AGO3: variants seen among roughly 807,000 people sequenced by gnomAD.
AGO3 encodes the protein protein argonaute-3.
A neutral mutation model predicts 105.5 loss-of-function variants in AGO3; 16 were observed. That is an observed-to-expected ratio of 0.15 (90% CI 0.10 to 0.23). AGO3 has a LOEUF of 0.23. Ranked by LOEUF, AGO3 falls within the 10% of genes least tolerant of loss-of-function variation. The pLI is 1.00. For missense variants in AGO3, 534 were observed against 1,088.0 expected (o/e 0.49, Z 7.16); for synonymous variants, 340 against 367.3 (o/e 0.93, Z 0.85).
intron 5 of AGO3, among the ~76,000 whole-genome samples, chr1:35,995,209 A>AAATATAT (rs1237315557): frequency 9.6e-5 from 11 of 114,734 alleles, no homozygotes; most frequent in African/African-American, 3.4e-4. Flanking sequence ...TAAAAAAAAA[A>AAATATAT]ATATATATAT....
intron 5 of AGO3, among the ~76,000 whole-genome samples, chr1:35,987,003 A>G (rs1647209696): frequency 6.7e-6 from 1 of 149,978 alleles, no homozygotes; most frequent in Non-Finnish European, 1.5e-5. Context: ...CTCAAAAAAA[A>G]AAAAAGGAAA....
At chr1:35,972,366 A>G (rs1259370964) in intron 4 of AGO3, 134 bp downstream of exon 4, 1 of 1,033,544 alleles carries the variant, frequency 9.7e-7, no homozygotes, top group African/African-American at 1.6e-5. Context: ...AATAGCATCC[A>G]TACAAATTCA....
chr1:35,946,206 G>T (rs566712589), intron 2 of AGO3, among the ~76,000 whole-genome samples: 1 of 152,182 alleles, frequency 6.6e-6, no homozygotes, highest in Admixed American at 6.5e-5. Context: ...CCTCTCTTAT[G>T]TACCACTTTC....
intron 17 of AGO3, among the ~76,000 whole-genome samples, chr1:36,044,863 A>G (rs1479531666): frequency 6.6e-6 from 1 of 152,206 alleles, no homozygotes; most frequent in Non-Finnish European, 1.5e-5. Flanking sequence ...AAACTTTCCA[A>G]CAACAAAAAG....
intron 5 of AGO3, among the ~76,000 whole-genome samples, chr1:35,993,398 G>A (rs1647873980): frequency 6.6e-6 from 1 of 152,000 alleles, no homozygotes; most frequent in Admixed American, 6.6e-5. Context: ...AGGAAATTAG[G>A]AAAAAGCAGA....
chr1:35,959,386 G>A (rs192250366), intron 2 of AGO3, among the ~76,000 whole-genome samples: 8 of 152,132 alleles, frequency 5.3e-5, no homozygotes, highest in East Asian at 3.9e-4. Context: ...AAATTCTCAC[G>A]TGACGTTCTA....
At chr1:35,964,932 AGT>A (rs1349974225) in intron 2 of AGO3, among the ~76,000 whole-genome samples, 2 of 151,414 alleles carry the variant, frequency 1.3e-5, no homozygotes. Context: ...CTTCTTTTGA[AGT>A]GTCTGTTCAT....
At chr1:35,958,442 C>G (rs1447746761) in intron 2 of AGO3, among the ~76,000 whole-genome samples, 1 of 152,040 alleles carries the variant, frequency 6.6e-6, no homozygotes, top group African/African-American at 2.4e-5. Context: ...GGACAGATCA[C>G]TTGATCTCAG....
At chr1:36,002,190 T>C (rs1175219761) in intron 5 of AGO3, among the ~76,000 whole-genome samples, 1 of 151,662 alleles carries the variant, frequency 6.6e-6, no homozygotes, top group East Asian at 1.9e-4. Flanking sequence ...CAGCTAATTT[T>C]TGTATTTTTT....
chr1:35,992,001 A>G (rs1261836241), intron 5 of AGO3: 1 of 152,118 alleles, frequency 6.6e-6, no homozygotes, highest in Non-Finnish European at 1.5e-5. Flanking sequence ...GCCTCATCAT[A>G]GGGTGATTTC....
In AGO3 at chr1:35,945,883, A is replaced by G. The variant is rs373911284; in HGVS notation, c.191+20A>G. ...GAACAGGTAAGAATCATGAAACTGC[A>G]AAGATCTTTTGCTATTTTTTTCCTT... On this transcript the variant is annotated intron_variant, in intron 2 of 18. Transcript: ENST00000373191. 3.6e-5 allele frequency: 58 copies of G among 1,595,084 alleles called. No homozygotes were observed. Among genetic ancestry groups the G allele is most frequent in the Non-Finnish European group, 5.0e-5 (58 of 1,168,842 alleles).
intron 2 of AGO3, among the ~76,000 whole-genome samples, chr1:35,959,165 GTGGTAAAA>G (rs1161288479): frequency 1.3e-5 from 2 of 152,014 alleles, no homozygotes; most frequent in African/African-American, 2.4e-5. Flanking sequence ...TATAAGTCAG[GTGGTAAAA>G]TGGGACTTAA....
At chr1:36,043,740 T>C (rs546370877) in intron 17 of AGO3, among the ~76,000 whole-genome samples, 192 bp downstream of exon 17, 70 of 152,258 alleles carry the variant, frequency 4.6e-4, no homozygotes, top group African/African-American at 1.6e-3. Context: ...GAACTTATTT[T>C]TATGAAAATA....
Position 36,057,671 on chromosome 1 carries a change from C to A in AGO3, c.*1926C>A, listed in dbSNP as rs921981401. The A allele has an allele frequency of 1.7e-4, 26 of 152,032 alleles. No homozygotes were observed. The highest frequency in any genetic ancestry group is 6.3e-4 in the African/African-American group (26 of 41,386). The allele number at this position is 152,032 out of a possible 1,614,324, so 9.4% of individuals were successfully genotyped here. A position where few individuals can be genotyped will look rare whatever the true frequency, so the allele number is the denominator to read the frequency against. ...TGTAATTTTCAGTTTTAAAGCATAT[C>A]TTTTAAAATTCATCATGATAAAAGG... On this transcript the variant is annotated 3_prime_UTR_variant, in exon 19 of 19. Transcript: ENST00000373191.
chr1:35,992,330 G>A (rs1405306337), intron 5 of AGO3: 1 of 152,138 alleles, frequency 6.6e-6, no homozygotes, highest in Non-Finnish European at 1.5e-5. Flanking sequence ...TGAACAAGAG[G>A]CAGCTGTTCA....
intron 2 of AGO3, among the ~76,000 whole-genome samples, chr1:35,965,696 G>A (rs1417452074): frequency 1.3e-5 from 2 of 151,502 alleles, no homozygotes; most frequent in East Asian, 3.9e-4. Context: ...AAAAGGGAGG[G>A]AAAAAATAGA....
chr1:36,022,027 G>A (rs1020656372), intron 11 of AGO3, among the ~76,000 whole-genome samples: 5 of 149,622 alleles, frequency 3.3e-5, no homozygotes, highest in Non-Finnish European at 5.9e-5. Flanking sequence ...ACATTAATAG[G>A]CATCCGCATC....
chr1:36,000,358 C>G (rs1281683520), intron 5 of AGO3, among the ~76,000 whole-genome samples: 3 of 151,944 alleles, frequency 2.0e-5, no homozygotes, highest in Non-Finnish European at 2.9e-5. Flanking sequence ...TAATTTTTAC[C>G]TCAAATGCCC....
Position 36,071,480 on chromosome 1 carries a change from A to G in AGO3, c.*15735A>G, listed in dbSNP as rs1643165548. 6.6e-6 allele frequency: 1 copy of G among 152,184 alleles called. No individual in the cohort carries two copies. The highest frequency in any genetic ancestry group is 1.5e-5 in the Non-Finnish European group (1 of 68,036). The allele number at this position is 152,184 out of a possible 1,614,324, so 9.4% of individuals were successfully genotyped here. On this transcript the variant is annotated 3_prime_UTR_variant, in exon 19 of 19. Transcript: ENST00000373191. The stretch of plus-strand genomic sequence containing the variant: ...CTGAATTATTACATAAAATCAGAGT[A>G]ACCTCTTTCTCCATCCTCCTTTTCC...
Sources: gnomAD v4.1 joint callset for allele counts (sites outside exome capture counted in the v4.1 genomes callset) on GRCh38, gnomAD v4.1.1 for gene constraint, MANE v1.5 for transcripts, NCBI Gene and HGNC (gene_info 2026-07-23, HGNC 2026-07-21) for gene names.